POU2F1: variants seen among roughly 807,000 people sequenced by gnomAD.
POU2F1 encodes POU domain, class 2, transcription factor 1.
In POU2F1, 16 loss-of-function variants were observed where a neutral mutation model predicts 84.9. That is an observed-to-expected ratio of 0.19 (90% CI 0.13 to 0.29). POU2F1 has a LOEUF of 0.29. POU2F1 is among the 10% of genes least tolerant of loss of function. The pLI is 1.00. For synonymous variants in POU2F1, 368 were observed against 368.3 expected, an observed-to-expected ratio of 1.00 and a Z score of 0.01; for missense variants, 738 against 942.6, an observed-to-expected ratio of 0.78 and a Z score of 2.84.
Position 167,427,007 on chromosome 1 carries a change from C to T in POU2F1, c.*11197C>T, listed in dbSNP as rs1650998081. On this transcript the variant is annotated 3_prime_UTR_variant, in exon 16 of 16. Coordinates refer to ENST00000367866, the MANE Select transcript of POU2F1 (RefSeq NM_002697.4). Reference sequence around the variant, plus strand: ...TTGTTATCTGTGCCCCTGGGAGACACACGTTTTCTTGGTTTTGAAAACCTG... The same window carrying T: ...TTGTTATCTGTGCCCCTGGGAGACATACGTTTTCTTGGTTTTGAAAACCTG... The T allele has an allele frequency of 1.3e-5, 2 of 152,180 alleles. No individual in the cohort carries two copies. The highest frequency in any genetic ancestry group is 4.8e-5 in the African/African-American group (2 of 41,434). 9.4% of individuals were successfully genotyped at this position (152,180 alleles called of 1,614,324 possible).
intron 12 of POU2F1, among the ~76,000 whole-genome samples, chr1:167,400,728 G>A (rs965564462): frequency 4.6e-5 from 7 of 152,132 alleles, no homozygotes; most frequent in Admixed American, 3.9e-4. Context: ...TCAAAAGATG[G>A]GAATATTGTT....
intron 1 of POU2F1, among the ~76,000 whole-genome samples, chr1:167,237,818 C>T (rs751638662): frequency 1.1e-3 from 129 of 115,990 alleles, no homozygotes; most frequent in Admixed American, 2.3e-3. Flanking sequence ...GTTGCTCTGT[C>T]GCCCAGGCAG....
intron 1 of POU2F1, among the ~76,000 whole-genome samples, chr1:167,222,627 A>G (rs1033450078): frequency 3.9e-5 from 6 of 152,118 alleles, no homozygotes; most frequent in African/African-American, 1.4e-4. Flanking sequence ...CTAATAACCA[A>G]AATGACTACC....
chr1:167,394,347 T>C (rs758784687), intron 9 of POU2F1, among the ~76,000 whole-genome samples: 3 of 152,158 alleles, frequency 2.0e-5, no homozygotes, highest in Non-Finnish European at 4.4e-5. Flanking sequence ...TTAATAAATA[T>C]ATAGAGATAC....
chr1:167,285,518 G>A (rs551000317), intron 1 of POU2F1, among the ~76,000 whole-genome samples: 304 of 152,118 alleles, frequency 2.0e-3, no homozygotes, highest in Non-Finnish European at 3.4e-3. Flanking sequence ...CGTGAACCCC[G>A]GGAGGCAAAG....
At chr1:167,221,068 C>T in intron 1 of POU2F1, 110 bp downstream of exon 1, 3 of 999,700 alleles carry the variant, frequency 3.0e-6, no homozygotes, top group Non-Finnish European at 4.4e-6. Context: ...TTATAATTAA[C>T]GGCGGGGAGA....
intron 1 of POU2F1, among the ~76,000 whole-genome samples, chr1:167,331,706 T>G (rs1218411592): frequency 6.6e-6 from 1 of 152,064 alleles, no homozygotes; most frequent in African/African-American, 2.4e-5. Context: ...ATGAAAACAT[T>G]TTACTGTGGA....
chr1:167,316,020 C>A (rs1416153878), intron 1 of POU2F1, among the ~76,000 whole-genome samples: 4 of 151,984 alleles, frequency 2.6e-5, no homozygotes. Context: ...ACCAAAATAA[C>A]CAGTTATGAA....
chr1:167,337,794 A>AG (rs1657573064), intron 2 of POU2F1, among the ~76,000 whole-genome samples: 1 of 152,120 alleles, frequency 6.6e-6, no homozygotes. Context: ...CTATTCTGAG[A>AG]GGGAAAAAAT....
chr1:167,267,696 C>T (rs1341713986), intron 1 of POU2F1, among the ~76,000 whole-genome samples: 1 of 116,272 alleles, frequency 8.6e-6, no homozygotes, highest in African/African-American at 3.3e-5. Flanking sequence ...GGCTGGAGTG[C>T]AGTGGTGCGA....
At chr1:167,252,119 C>G (rs992639876) in intron 1 of POU2F1, among the ~76,000 whole-genome samples, 1 of 152,046 alleles carries the variant, frequency 6.6e-6, no homozygotes, top group African/African-American at 2.4e-5. Context: ...GCCTCGGCCT[C>G]CCAAAGTGCT....
chr1:167,329,250 T>A (rs904778691), intron 1 of POU2F1: 4 of 1,546,746 alleles, frequency 2.6e-6, no homozygotes, highest in African/African-American at 1.4e-5. Flanking sequence ...TTGTTTGGAC[T>A]CTCTGCTCCT....
At chr1:167,235,411 A>G (rs951728817) in intron 1 of POU2F1, among the ~76,000 whole-genome samples, 2 of 152,224 alleles carry the variant, frequency 1.3e-5, no homozygotes, top group Non-Finnish European at 2.9e-5. Flanking sequence ...ATAGTCTGAG[A>G]AGATGAATTA....
At chr1:167,347,163 C>A (rs1416881990) in intron 2 of POU2F1, among the ~76,000 whole-genome samples, 2 of 152,178 alleles carry the variant, frequency 1.3e-5, no homozygotes, top group African/African-American at 4.8e-5. Flanking sequence ...TTTGCCTTGA[C>A]TGCCTTAAAT....
chr1:167,223,446 G>C (rs1397245886), intron 1 of POU2F1, among the ~76,000 whole-genome samples: 1 of 152,122 alleles, frequency 6.6e-6, no homozygotes, highest in Non-Finnish European at 1.5e-5. Flanking sequence ...GTGTGTGTGA[G>C]TGTGAGTGTG....
intron 1 of POU2F1, among the ~76,000 whole-genome samples, chr1:167,295,867 G>A (rs1347010476): frequency 1.3e-5 from 2 of 152,134 alleles, no homozygotes; most frequent in African/African-American, 4.8e-5. Flanking sequence ...GTAATTGCAG[G>A]ATGAGTGACT....
At chr1:167,233,067 T>C (rs1214072023) in intron 1 of POU2F1, among the ~76,000 whole-genome samples, 1 of 152,086 alleles carries the variant, frequency 6.6e-6, no homozygotes, top group Non-Finnish European at 1.5e-5. Context: ...TCTACAGGTA[T>C]ACCATTTTTA....
At chr1:167,270,596 C>CT (rs1333308488) in intron 1 of POU2F1, among the ~76,000 whole-genome samples, 2 of 152,104 alleles carry the variant, frequency 1.3e-5, no homozygotes, top group African/African-American at 4.8e-5. Flanking sequence ...CTAATATTTT[C>CT]TTGCTTTTGC....
Position 167,406,951 on chromosome 1 carries a change from A to G in POU2F1, c.1556-5008A>G, listed in dbSNP as rs529480075. Among the ~76,000 whole-genome samples, 216 of 152,044 alleles carry G rather than the reference A, an allele frequency of 1.4e-3. 3 individuals are homozygous for G. Among genetic ancestry groups the G allele is most frequent in the Non-Finnish European group, 7.8e-4 (53 of 67,974 alleles). On this transcript the variant is annotated intron_variant, in intron 13 of 15. Transcript: ENST00000367866. ...ACAGTTTTTCTCCAGCTTGAGATAT[A>G]TGTGCATCTCTCTTTCTCTCTGATT... is the stretch of plus-strand genomic sequence containing the variant.
Sources: gnomAD v4.1 joint callset for allele counts (sites outside exome capture counted in the v4.1 genomes callset) on GRCh38, gnomAD v4.1.1 for gene constraint, MANE v1.5 for transcripts, NCBI Gene and HGNC (gene_info 2026-07-23, HGNC 2026-07-21) for gene names.